Variants in EML1 observed in about 807,000 individuals in gnomAD.
EML1 encodes the protein echinoderm microtubule-associated protein-like 1.
Under a neutral mutation model 110.4 loss-of-function variants are expected in EML1, and 27 were observed. The ratio of observed to expected loss-of-function variants is 0.24; its 90% CI spans 0.18 to 0.34. The LOEUF is 0.34. Among genes scored for constraint, EML1 ranks in the 10% least tolerant of loss-of-function variants. EML1 has a pLI of 1.00. For missense variants in EML1, 741 were observed against 1,030.9 expected, an observed-to-expected ratio of 0.72 and a Z score of 3.85; for synonymous variants, 344 against 385.8, an observed-to-expected ratio of 0.89 and a Z score of 1.27.
chr14:99,796,936 T>TGTGTGTGTGTGTGTGAGAGA (rs368044152), intron 1 of EML1, among the ~76,000 whole-genome samples: 22 of 150,144 alleles, frequency 1.5e-4, no homozygotes, highest in Middle Eastern at 3.4e-3. Context: ...TGTGTGTGTG[T>TGTGTGTGTGTGTGTGAGAGA]GAGAGAGTAA....
At chr14:99,772,324 A>C (rs2057435834), upstream of EML1, among the ~76,000 whole-genome samples, 1 of 152,152 alleles carries the variant, frequency 6.6e-6, no homozygotes. Flanking sequence ...TTACATGCTA[A>C]ATTTGGGGTT....
chr14:99,892,503 A>T (rs2059605019), intron 5 of EML1, among the ~76,000 whole-genome samples: 1 of 152,060 alleles, frequency 6.6e-6, no homozygotes, highest in Non-Finnish European at 1.5e-5. Flanking sequence ...GGTATCATGC[A>T]CTGCTGCTGG....
chr14:99,754,381 C>T (rs1008646570), intron 1 of EML1, among the ~76,000 whole-genome samples: 2 of 152,214 alleles, frequency 1.3e-5, no homozygotes, highest in South Asian at 2.1e-4. Flanking sequence ...CACGGTGGCA[C>T]GCATGGCGTT....
Position 99,909,207 on chromosome 14 carries a change from T to G in EML1, c.1105-138T>G, listed in dbSNP as rs909073016. On this transcript the variant is annotated intron_variant, in intron 10 of 21. Transcript: ENST00000262233. ...TGCTTGATGTTTTTAGCAAGATGGA[T>G]TCAATGGGGGAAATAATAGGCATTG... 12 of 1,317,316 alleles carry G rather than the reference T, an allele frequency of 9.1e-6. No homozygotes were observed. In the Admixed American group the frequency reaches 1.5e-4, roughly 17 times the overall value. 81.6% of individuals were successfully genotyped at this position (1,317,316 alleles called of 1,614,324 possible).
At chr14:99,882,446 A>G (rs1485050573) in intron 4 of EML1, among the ~76,000 whole-genome samples, 1 of 152,178 alleles carries the variant, frequency 6.6e-6, no homozygotes, top group Non-Finnish European at 1.5e-5. Context: ...ACACTGTTTC[A>G]GCTTTACTGA....
intron 1 of EML1, 112 bp from the exon 2 acceptor site, chr14:99,850,741 A>G: frequency 8.9e-7 from 1 of 1,121,964 alleles, no homozygotes; most frequent in Non-Finnish European, 1.3e-6. Flanking sequence ...GTAGTCCGTA[A>G]GTGTTACTAT....
chr14:99,902,325 T>C (rs769456091), intron 9 of EML1, among the ~76,000 whole-genome samples: 1 of 152,242 alleles, frequency 6.6e-6, no homozygotes, highest in Non-Finnish European at 1.5e-5. Flanking sequence ...GTGTCCAGAA[T>C]TGGAATACTG....
Position 99,779,639 on chromosome 14 carries a change from C to T in EML1, c.-27+5626C>T, listed in dbSNP as rs184478919. ...ACCTCTAGGTCTTTCCACAAGACTT[C>T]GTCATATTCCCTAAAAAAGGTCCTT... On this transcript the variant is annotated intron_variant, in intron 1 of 22. Transcript: ENST00000327921. Among the ~76,000 whole-genome samples the T allele has an allele frequency of 1.5e-3, 230 of 152,314 alleles. 1 individual carries two copies. Among genetic ancestry groups the T allele is most frequent in the Middle Eastern group, 0.01 (3 of 294 alleles).
chr14:99,910,607 C>T (rs2059930604), intron 12 of EML1, among the ~76,000 whole-genome samples: 1 of 152,150 alleles, frequency 6.6e-6, no homozygotes, highest in Admixed American at 6.5e-5. Flanking sequence ...AATTAAATAG[C>T]TTTATTAGGA....
intron 3 of EML1, among the ~76,000 whole-genome samples, chr14:99,868,050 G>A (rs1166262967): frequency 2.6e-5 from 4 of 152,098 alleles, no homozygotes; most frequent in Non-Finnish European, 5.9e-5. Context: ...TTTGTCAAAT[G>A]CTTTTTCTGC....
At chr14:99,894,801 T>C in intron 6 of EML1, 43 bp downstream of exon 6, 1 of 1,575,910 alleles carries the variant, frequency 6.3e-7, no homozygotes, top group South Asian at 1.2e-5. Flanking sequence ...AAGTTATCAG[T>C]CAATCAATGC....
At chr14:99,884,075 TA>T (rs1472403134) in intron 4 of EML1, among the ~76,000 whole-genome samples, 2 of 152,224 alleles carry the variant, frequency 1.3e-5, no homozygotes, top group African/African-American at 4.8e-5. Flanking sequence ...TCAGTAGCAG[TA>T]AAAGTGGTAC....
intron 17 of EML1, among the ~76,000 whole-genome samples, chr14:99,933,070 G>A (rs574790485): frequency 1.1e-4 from 17 of 152,264 alleles, no homozygotes; most frequent in African/African-American, 4.1e-4. Flanking sequence ...TTGTACTACT[G>A]CACTTCAGCC....
chr14:99,844,488 A>AG (rs1467889667), intron 1 of EML1, among the ~76,000 whole-genome samples: 1 of 152,106 alleles, frequency 6.6e-6, no homozygotes, highest in East Asian at 1.9e-4. Context: ...AAAAAAAAAA[A>AG]AAAAAATTGG....
chr14:99,934,467 T>A (rs2060431660), intron 17 of EML1, among the ~76,000 whole-genome samples: 1 of 152,246 alleles, frequency 6.6e-6, no homozygotes, highest in Non-Finnish European at 1.5e-5. Flanking sequence ...CAGGCCACCC[T>A]GGGTCCTGCA....
chr14:99,792,606 T>TA (rs1176832706), upstream of EML1: 2 of 152,246 alleles, frequency 1.3e-5, no homozygotes, highest in African/African-American at 4.8e-5. Context: ...CTGATTTCCT[T>TA]AGTCCTGTAG....
At chr14:99,888,977 G>A (rs764953325) in intron 4 of EML1, among the ~76,000 whole-genome samples, 6 of 152,176 alleles carry the variant, frequency 3.9e-5, no homozygotes, top group Admixed American at 3.9e-4. Context: ...CCAGACTTCC[G>A]TGAGTGTGCA....
chr14:99,901,037 T>C lies in EML1; in HGVS notation c.1006T>C (p.Ser336Pro). Residue 336 changes from serine to proline, a missense_variant and splice_region_variant, in exon 9 of 22, where the codon TCT (serine) becomes CCT (proline). Around this residue, in one of 4 missense-constraint regions of EML1, gnomAD observed 388 missense variants for 605.6 expected, o/e 0.64. Transcript: ENST00000262233. ...RAVTCIAFSK[S>P]NGGTNLCAVD... ...AGTCACCTGTATTGCATTCTCAAAA[T>C]CTGTAAGTATGTGCCCTGTGGATAT... The C allele has an allele frequency of 6.2e-7, 1 of 1,612,498 alleles. No individual in the cohort carries two copies. Among genetic ancestry groups the C allele is most frequent in the Non-Finnish European group, 8.5e-7 (1 of 1,178,486 alleles).
intron 1 of EML1, among the ~76,000 whole-genome samples, chr14:99,838,602 T>C (rs1373086279): frequency 6.6e-6 from 1 of 152,144 alleles, no homozygotes; most frequent in Non-Finnish European, 1.5e-5. Flanking sequence ...TCGTGTGCCT[T>C]GCCAGGATCA....
Sources: allele counts gnomAD v4.1 joint callset (sites outside exome capture counted in the v4.1 genomes callset), GRCh38; gene constraint gnomAD v4.1.1; regional missense constraint gnomAD v4.1.1; transcripts MANE v1.5; gene names NCBI Gene and HGNC (gene_info 2026-07-23, HGNC 2026-07-21).